POPDC2: variants seen among roughly 807,000 people sequenced by gnomAD.
POPDC2 encodes the protein popeye domain-containing protein 2.
A neutral mutation model predicts 30.5 loss-of-function variants in POPDC2; 24 were observed. The ratio of observed to expected loss-of-function variants is 0.79; its 90% confidence interval spans 0.57 to 1.11. The LOEUF is 1.11. Ranked by LOEUF, POPDC2 falls within the 50% of genes least tolerant of loss-of-function variation. POPDC2 has a pLI of 0.00. For missense variants in POPDC2, 409 were observed against 447.0 expected, an observed-to-expected ratio of 0.91 and a Z score of 0.77; for synonymous variants, 185 against 183.3, an observed-to-expected ratio of 1.01 and a Z score of -0.07.
chr3:119,652,615 C>T (rs754979514), intron 2 of POPDC2, among the ~76,000 whole-genome samples: 10 of 152,218 alleles, frequency 6.6e-5, no homozygotes, highest in Non-Finnish European at 1.5e-4. Flanking sequence ...CCACCTGTTC[C>T]TCCGTGTCAG....
Position 119,659,942 on chromosome 3 carries a change from A to G in POPDC2, c.482T>C (p.Leu161Pro), listed in dbSNP as rs769357195. The change falls in exon 1 of 4, where the codon CTC (leucine) becomes CCC (proline). Residue 161 changes from leucine (L) to proline (P), a missense_variant. By Grantham distance (98) the Leu-to-Pro change is moderately conservative. Transcript: ENST00000493094. ...ETPINRLSLL[L>P]SGRVRVSQDG... ...GGATAGAGTAGCTTACCGGCCAGAG[A>G]GCAGCAGGGACAGGCGGTTGATGGG... 1 of 1,589,446 alleles carries G rather than the reference A, an allele frequency of 6.3e-7. No individual in the cohort carries two copies. The highest frequency in any genetic ancestry group is 1.1e-5 in the South Asian group (1 of 88,720).
At chr3:119,656,531 T>C (rs2052880998) in intron 1 of POPDC2, among the ~76,000 whole-genome samples, 1 of 152,178 alleles carries the variant, frequency 6.6e-6, no homozygotes, top group Non-Finnish European at 1.5e-5. Context: ...GCTCTGCCCC[T>C]GCAGGGTAAA....
At chr3:119,649,527 A>G (rs558004822) in intron 2 of POPDC2, among the ~76,000 whole-genome samples, 1 of 152,314 alleles carries the variant, frequency 6.6e-6, no homozygotes, top group African/African-American at 2.4e-5. Flanking sequence ...TGCTTAGGAC[A>G]GTGCAGGAAA....
chr3:119,645,081 C>T (rs949322747), intron 3 of POPDC2, among the ~76,000 whole-genome samples: 1 of 152,144 alleles, frequency 6.6e-6, no homozygotes, highest in African/African-American at 2.4e-5. Context: ...ATTGCTTAAA[C>T]AAAGAAACAT....
In POPDC2 at chr3:119,648,154, T is replaced by C; in HGVS notation, c.*8A>G. On this transcript the variant is annotated 3_prime_UTR_variant, in exon 3 of 4. Transcript: ENST00000493094. ...GAGCCGGTGGCTGTGCCCATGTTAG[T>C]TCTCCCTTCACCTCATGTACTCCCC... 1 of 1,499,852 alleles carries C rather than the reference T, an allele frequency of 6.7e-7. No homozygotes were observed. The highest frequency in any genetic ancestry group is 1.4e-5 in the African/African-American group (1 of 72,320). 92.9% of individuals were successfully genotyped at this position (1,499,852 alleles called of 1,614,324 possible). A position where few individuals can be genotyped will look rare whatever the true frequency, so the allele number is the denominator to read the frequency against.
At chr3:119,644,138 C>A (rs2052719973) in intron 3 of POPDC2, among the ~76,000 whole-genome samples, 2 of 152,156 alleles carry the variant, frequency 1.3e-5, no homozygotes, top group Admixed American at 1.3e-4. Context: ...GGGGCTCCTT[C>A]CCTTACCTCG....
chr3:119,644,979 A>C (rs542503023), intron 3 of POPDC2, among the ~76,000 whole-genome samples: 51 of 152,372 alleles, frequency 3.3e-4, no homozygotes, highest in African/African-American at 1.2e-3. Context: ...ATTGAAAACT[A>C]TCAGAAGTTT....
At chr3:119,660,652 C>A, upstream of POPDC2, 3 of 185,922 alleles carry the variant, frequency 1.6e-5, no homozygotes, top group East Asian at 8.4e-5. Context: ...CTCTCTCCCC[C>A]TCTCCCCCCC....
At chr3:119,660,651 C>CT, upstream of POPDC2, 1 of 291,504 alleles carries the variant, frequency 3.4e-6, no homozygotes, top group Non-Finnish European at 6.1e-6. Flanking sequence ...TCTCTCTCCC[C>CT]CTCTCCCCCC....
chr3:119,648,609 A>T lies in POPDC2; in HGVS notation c.660T>A (p.His220Gln), dbSNP rs771058365. 1.9e-6 allele frequency: 3 copies of T among 1,614,138 alleles called. No homozygotes were observed. In the South Asian group the frequency reaches 3.3e-5, roughly 18 times the overall value. Reference sequence around the variant, plus strand: ...TGTATCGCTCTTTGGTCAGAAGAAGATGGAGACTTTTCCGGGGCCAGGAAA... The same window carrying T: ...TGTATCGCTCTTTGGTCAGAAGAAGTTGGAGACTTTTCCGGGGCCAGGAAA... The part of the protein sequence containing the change: ...SYISWPRKSL[H>Q]LLLTKERYIS... The change falls in exon 3 of 4, where the codon CAT (histidine) becomes CAA (glutamine). Residue 220 changes from histidine (H) to glutamine (Q), a missense_variant. Physicochemically the swap from His to Gln is conservative, Grantham distance 24 (BLOSUM62 0). Transcript: ENST00000493094.
chr3:119,646,474 A>G (rs2052747739), intron 3 of POPDC2, among the ~76,000 whole-genome samples: 1 of 152,022 alleles, frequency 6.6e-6, no homozygotes, highest in Admixed American at 6.6e-5. Context: ...CTACAAAAAA[A>G]TTTAAAAATT....
At chr3:119,643,140 C>T (rs1242654215) in intron 3 of POPDC2, among the ~76,000 whole-genome samples, 2 of 152,172 alleles carry the variant, frequency 1.3e-5, no homozygotes, top group South Asian at 2.1e-4. Flanking sequence ...GCAAGTTTTC[C>T]GAGCCAGGAC....
intron 1 of POPDC2, among the ~76,000 whole-genome samples, chr3:119,656,877 C>A (rs2052885260): frequency 6.6e-6 from 1 of 152,212 alleles, no homozygotes; most frequent in Non-Finnish European, 1.5e-5. Context: ...TCTGGAGCAT[C>A]TCTCATGTTT....
In POPDC2 at chr3:119,642,456, A is replaced by T. The variant is rs1354176673; in HGVS notation, c.*149T>A. On this transcript the variant is annotated 3_prime_UTR_variant, in exon 4 of 4. Coordinates refer to ENST00000493094, the MANE Select transcript of POPDC2 (RefSeq NM_001369919.2). ...CAGAAGAGAGCTGCGCTGGCCACAG[A>T]GAAGATAGTCCAATGATCCTTAAAG... The T allele has an allele frequency of 4.5e-6, 7 of 1,560,204 alleles. No individual in the cohort carries two copies. Among genetic ancestry groups the T allele is most frequent in the Non-Finnish European group, 6.2e-6 (7 of 1,131,246 alleles).
In POPDC2 at chr3:119,642,574, A is replaced by G. The variant is rs1187486688; in HGVS notation, c.*44-13T>C. The stretch of plus-strand genomic sequence containing the variant: ...GGAATTCTAGAAGCTGTGGAAAGAA[A>G]AAGAGGGAGGATTTTAGCACTATGT... On this transcript the variant is annotated splice_polypyrimidine_tract_variant and intron_variant, in intron 3 of 3. Transcript: ENST00000493094. 2.6e-6 allele frequency: 4 copies of G among 1,568,612 alleles called. No individual in the cohort carries two copies. Among genetic ancestry groups the G allele is most frequent in the Admixed American group, 3.3e-5 (2 of 59,878 alleles).
intron 3 of POPDC2, among the ~76,000 whole-genome samples, chr3:119,645,579 A>G (rs994213475): frequency 6.6e-5 from 10 of 151,724 alleles, no homozygotes; most frequent in Admixed American, 1.3e-4. Context: ...AAAAAAAAAA[A>G]AAAAGAAAGA....
At chr3:119,645,041 A>G (rs1247798016) in intron 3 of POPDC2, among the ~76,000 whole-genome samples, 1 of 152,248 alleles carries the variant, frequency 6.6e-6, no homozygotes, top group Non-Finnish European at 1.5e-5. Context: ...ATGGCCTGAA[A>G]AGTAAACGAC....
rs779511386 is a variant in POPDC2 at position 119,660,051 on chromosome 3, T to A, written c.373A>T (p.Thr125Ser). 2.2e-5 allele frequency: 36 copies of A among 1,614,074 alleles called. No homozygotes were observed. In the Admixed American group the frequency reaches 6.0e-4, roughly 27 times the overall value. The change falls in exon 1 of 4, where the codon ACA (threonine) becomes TCA (serine). Residue 125 changes from threonine to serine, a missense_variant. Coordinates refer to ENST00000493094, the MANE Select transcript of POPDC2 (RefSeq NM_001369919.2). ...CAGCAGTGAACAATCTCCTTGTATG[T>A]CTGTAGGGGCACCTGCAAGGGCAGG... The part of the protein sequence containing the change: ...LCLPLQVPLQ[T>S]YKEIVHCCEE...
chr3:119,646,451 GGA>G (rs1337975431), intron 3 of POPDC2, among the ~76,000 whole-genome samples: 1 of 151,926 alleles, frequency 6.6e-6, no homozygotes, highest in African/African-American at 2.4e-5. Flanking sequence ...GGCAACATGG[GGA>G]GAGTTTGTCT....
Sources: gnomAD v4.1 joint callset for allele counts (sites outside exome capture counted in the v4.1 genomes callset) on GRCh38, gnomAD v4.1.1 for gene constraint, MANE v1.5 for transcripts, NCBI Gene and HGNC (gene_info 2026-07-23, HGNC 2026-07-21) for gene names.